The following NELL1 variants were observed in gnomAD, a reference collection of about 807,000 sequenced individuals.
NELL1 encodes the protein protein kinase C-binding protein NELL1.
Under a neutral mutation model 107.4 loss-of-function variants are expected in NELL1, and 76 were observed. The observed-to-expected ratio is 0.71, with a 90% CI of 0.59 to 0.86. NELL1 has a LOEUF of 0.86. Ranked by LOEUF, NELL1 falls within the 40% of genes least tolerant of loss-of-function variation. The pLI, the probability that NELL1 is intolerant of heterozygous loss-of-function variation, is 0.00. For synonymous variants in NELL1, 353 were observed against 341.2 expected (o/e 1.03, Z -0.38); for missense variants, 1,024 against 1,005.5 (o/e 1.02, Z -0.25).
intron 14 of NELL1, among the ~76,000 whole-genome samples, chr11:21,247,447 T>C (rs951120924): frequency 6.6e-6 from 1 of 152,086 alleles, no homozygotes; most frequent in Non-Finnish European, 1.5e-5. Flanking sequence ...CCTTTTGAGG[T>C]TTTTTGTTTA....
chr11:21,389,437 T>C (rs1375135925), intron 15 of NELL1, among the ~76,000 whole-genome samples: 1 of 151,876 alleles, frequency 6.6e-6, no homozygotes, highest in Non-Finnish European at 1.5e-5. Flanking sequence ...AGTAAAACTT[T>C]GGATTAGTAA....
At chr11:21,131,041 AC>A in intron 13 of NELL1, among the ~76,000 whole-genome samples, 1 of 148,584 alleles carries the variant, frequency 6.7e-6, no homozygotes, top group East Asian at 2.0e-4. Context: ...CTAGACTACC[AC>A]ACTGAGTATC....
At position 21,099,192 on chromosome 11, in the gene NELL1, AACACACACAC is replaced by A. The variant is rs59848133; in HGVS notation, c.1301-14365_1301-14356del. Among the ~76,000 whole-genome samples, 1,222 of 141,938 alleles carry A rather than the reference AACACACACAC, an allele frequency of 8.6e-3. 16 individuals carry two copies. The highest frequency in any genetic ancestry group is 0.029 in the African/African-American group (1,113 of 38,164). 93.1% of individuals were successfully genotyped at this position (141,938 alleles called of 152,430 possible). On this transcript the variant is annotated intron_variant, in intron 12 of 19. Transcript: ENST00000357134. ...AATTTATTGGAAAAAGACACTGAAC[AACACACACAC>A]ACACACACACACACACACACACACA...
At chr11:21,549,728 T>A (rs1267019507) in intron 16 of NELL1, among the ~76,000 whole-genome samples, 1 of 151,858 alleles carries the variant, frequency 6.6e-6, no homozygotes, top group Non-Finnish European at 1.5e-5. Context: ...CTGAGTGGCA[T>A]TAAAGATACC....
intron 15 of NELL1, among the ~76,000 whole-genome samples, chr11:21,417,910 G>T (rs920002731): frequency 6.6e-6 from 1 of 151,888 alleles, no homozygotes; most frequent in African/African-American, 2.4e-5. Flanking sequence ...ATCCCATCCA[G>T]CTCAACAGTA....
intron 11 of NELL1, among the ~76,000 whole-genome samples, chr11:20,948,039 A>G (rs1850999161): frequency 6.6e-6 from 1 of 151,740 alleles, no homozygotes; most frequent in Non-Finnish European, 1.5e-5. Flanking sequence ...TTAAATTTTT[A>G]TTTATTATTA....
At chr11:21,337,807 T>G (rs71488780) in intron 14 of NELL1, among the ~76,000 whole-genome samples, 4 of 71,788 alleles carry the variant, frequency 5.6e-5, no homozygotes, top group Non-Finnish European at 8.4e-5. Context: ...CTTCTTTCTT[T>G]CTTGCTTTCC....
intron 2 of NELL1, among the ~76,000 whole-genome samples, chr11:20,720,108 T>C (rs1402476678): frequency 1.3e-5 from 2 of 152,192 alleles, no homozygotes; most frequent in Non-Finnish European, 2.9e-5. Context: ...TTGCTGGAGA[T>C]GAGAAAACGT....
chr11:20,706,688 G>A lies in NELL1; in HGVS notation c.184+28628G>A, dbSNP rs531685938. On this transcript the variant is annotated intron_variant, in intron 2 of 19. Coordinates refer to ENST00000357134, the MANE Select transcript of NELL1 (RefSeq NM_006157.5). ...AATAATAACAAAATAAAAAAAAAAG[G>A]AATGTTGAATATTGGCCCCCACTTT... Among the ~76,000 whole-genome samples the A allele has an allele frequency of 3.3e-5, 5 of 152,038 alleles. No individual in the cohort carries two copies. In the East Asian group the frequency reaches 9.7e-4, roughly 29 times the overall value.
chr11:20,695,413 G>A (rs908426481), intron 2 of NELL1, among the ~76,000 whole-genome samples: 4 of 152,068 alleles, frequency 2.6e-5, no homozygotes, highest in African/African-American at 9.7e-5. Flanking sequence ...TGTCCAATAC[G>A]ATGGTGGCTA....
At chr11:21,286,853 C>T (rs1228053291) in intron 14 of NELL1, among the ~76,000 whole-genome samples, 5 of 152,104 alleles carry the variant, frequency 3.3e-5, no homozygotes, top group Non-Finnish European at 7.4e-5. Flanking sequence ...ATGGCTGGTA[C>T]ATAATGCATG....
intron 15 of NELL1, among the ~76,000 whole-genome samples, chr11:21,399,596 C>T (rs79694858): frequency 0.023 from 3,479 of 151,862 alleles, 67 homozygotes; most frequent in African/African-American, 0.05. Flanking sequence ...AGTGCTTTCA[C>T]ATGTGTTTGC....
intron 13 of NELL1, among the ~76,000 whole-genome samples, chr11:21,137,519 A>G (rs1407881054): frequency 1.3e-5 from 2 of 152,218 alleles, no homozygotes; most frequent in Non-Finnish European, 2.9e-5. Flanking sequence ...AGACATTTTG[A>G]TAGAAAGTTG....
At chr11:20,762,994 A>C (rs1856455207) in intron 2 of NELL1, among the ~76,000 whole-genome samples, 1 of 152,066 alleles carries the variant, frequency 6.6e-6, no homozygotes, top group African/African-American at 2.4e-5. Context: ...TTAAAAAAAG[A>C]TACGCCAACC....
Position 21,560,249 on chromosome 11 carries a change from T to A in NELL1, c.1847T>A (p.Leu616Gln). The A allele has an allele frequency of 6.2e-7, 1 of 1,613,696 alleles. No individual in the cohort carries two copies. Among genetic ancestry groups the A allele is most frequent in the East Asian group, 2.2e-5 (1 of 44,784 alleles). ...TGGAACGATTCTGCCTGCATCAACC[T>A]GGCAGGGGGCTTTGACTGTCTCTGC... ...TCWNDSACINLAGGFDCLCPS... is the reference protein window; with the variant it reads ...TCWNDSACINQAGGFDCLCPS... The change falls in exon 17 of 20, where the codon CTG becomes CAG. Residue 616 changes from leucine to glutamine, a missense_variant. Coordinates refer to ENST00000357134, the MANE Select transcript of NELL1 (RefSeq NM_006157.5).
intron 15 of NELL1, among the ~76,000 whole-genome samples, chr11:21,408,611 G>T (rs1436038330): frequency 6.6e-6 from 1 of 151,966 alleles, no homozygotes; most frequent in Non-Finnish European, 1.5e-5. Context: ...CTCCCATTTT[G>T]TAGGTTGCCT....
At chr11:20,883,506 G>T (rs2134104328) in intron 4 of NELL1, among the ~76,000 whole-genome samples, 1 of 152,300 alleles carries the variant, frequency 6.6e-6, no homozygotes, top group South Asian at 2.1e-4. Context: ...AGGCAAAGTT[G>T]TTAAAATTGA....
chr11:20,970,827 A>G (rs1000621498), intron 12 of NELL1, among the ~76,000 whole-genome samples: 1 of 152,042 alleles, frequency 6.6e-6, no homozygotes, highest in Non-Finnish European at 1.5e-5. Context: ...CACATATAGG[A>G]TGCTGGTATC....
chr11:21,515,653 T>G (rs1447836273), intron 15 of NELL1, among the ~76,000 whole-genome samples: 1 of 152,166 alleles, frequency 6.6e-6, no homozygotes, highest in African/African-American at 2.4e-5. Context: ...AATAAAGATA[T>G]TGTATGATAG....
Sources: gnomAD v4.1 joint callset for allele counts (sites outside exome capture counted in the v4.1 genomes callset) on GRCh38, gnomAD v4.1.1 for gene constraint, MANE v1.5 for transcripts, NCBI Gene and HGNC (gene_info 2026-07-23, HGNC 2026-07-21) for gene names.